Variants in CDK12 observed in about 807,000 individuals in gnomAD.
CDK12 encodes cyclin dependent kinase 12.
A neutral mutation model predicts 133.8 loss-of-function variants in CDK12; 17 were observed. That is an observed-to-expected ratio of 0.13 (90% CI 0.09 to 0.19). CDK12 has a LOEUF of 0.19. Ranked by LOEUF, CDK12 falls within the 10% of genes least tolerant of loss-of-function variation. The pLI, the probability that CDK12 is intolerant of heterozygous loss-of-function variation, is 1.00. For missense variants in CDK12, 1,508 were observed against 1,818.7 expected (o/e 0.83, Z 3.11); for synonymous variants, 694 against 683.6 (o/e 1.02, Z -0.24).
chr17:39,478,298 T>C (rs935504905), intron 2 of CDK12, among the ~76,000 whole-genome samples: 3 of 151,680 alleles, frequency 2.0e-5, no homozygotes, highest in African/African-American at 7.3e-5. Context: ...TTCACATGAC[T>C]CTCCTGCCTC....
intron 6 of CDK12, among the ~76,000 whole-genome samples, chr17:39,508,016 A>G (rs1598105087): frequency 6.6e-6 from 1 of 152,132 alleles, no homozygotes; most frequent in African/African-American, 2.4e-5. Flanking sequence ...TCTTTTCTGT[A>G]CTACATGTTG....
chr17:39,488,985 A>G (rs1217130010), intron 2 of CDK12, among the ~76,000 whole-genome samples: 1 of 151,644 alleles, frequency 6.6e-6, no homozygotes, highest in Non-Finnish European at 1.5e-5. Context: ...CAGTCGTGCG[A>G]TCTCAGCTCA....
chr17:39,501,463 T>A (rs1448332483), intron 6 of CDK12, 24 bp downstream of exon 6: 2 of 1,541,588 alleles, frequency 1.3e-6, no homozygotes, highest in Non-Finnish European at 1.8e-6. Context: ...CAAATAAGAT[T>A]AAGCACTTTC....
intron 5 of CDK12, among the ~76,000 whole-genome samples, chr17:39,497,948 A>G (rs1340141827): frequency 1.3e-5 from 2 of 151,784 alleles, no homozygotes; most frequent in Admixed American, 1.3e-4. Context: ...GGTCTTCTCT[A>G]TGTTACCAGT....
At chr17:39,548,771 G>A (rs2055831143), upstream of CDK12, among the ~76,000 whole-genome samples, 1 of 152,144 alleles carries the variant, frequency 6.6e-6, no homozygotes, top group Admixed American at 6.5e-5. Flanking sequence ...TTCTGCTAGG[G>A]GTGCCAAATG....
At chr17:39,487,891 G>A (rs961361519) in intron 2 of CDK12, among the ~76,000 whole-genome samples, 5 of 151,818 alleles carry the variant, frequency 3.3e-5, no homozygotes, top group East Asian at 1.9e-4. Flanking sequence ...TTGGTATTAC[G>A]GGCATGAGCC....
chr17:39,548,379 C>T (rs1417410899), upstream of CDK12, among the ~76,000 whole-genome samples: 1 of 152,228 alleles, frequency 6.6e-6, no homozygotes, highest in East Asian at 1.9e-4. Flanking sequence ...ACAGGTGCAT[C>T]TCTCCCTTAA....
At chr17:39,475,895 A>T (rs1228637792) in intron 2 of CDK12, among the ~76,000 whole-genome samples, 1 of 152,012 alleles carries the variant, frequency 6.6e-6, no homozygotes, top group Non-Finnish European at 1.5e-5. Context: ...CAAAATATAG[A>T]TAGATAAAAG....
chr17:39,540,047 A>G (rs2055337431), intron 1 of CDK12, among the ~76,000 whole-genome samples: 1 of 152,242 alleles, frequency 6.6e-6, no homozygotes, highest in South Asian at 2.1e-4. Context: ...CTTTTGTAGC[A>G]GTACTTGGTC....
chr17:39,565,209 G>A (rs1374150930), downstream of CDK12, among the ~76,000 whole-genome samples: 2 of 152,210 alleles, frequency 1.3e-5, no homozygotes, highest in African/African-American at 4.8e-5. Context: ...TGCCTACTGG[G>A]TTCACGCCAT....
chr17:39,502,594 C>T (rs962693057), intron 6 of CDK12, among the ~76,000 whole-genome samples: 11 of 152,078 alleles, frequency 7.2e-5, no homozygotes, highest in African/African-American at 2.2e-4. Context: ...GGCTCACATG[C>T]GACGATTGAA....
chr17:39,478,719 G>A (rs1219384843), intron 2 of CDK12, among the ~76,000 whole-genome samples: 1 of 152,144 alleles, frequency 6.6e-6, no homozygotes, highest in Middle Eastern at 3.4e-3. Flanking sequence ...GAGCTACTTG[G>A]GAGACTGAGG....
chr17:39,531,183 C>G lies in CDK12; in HGVS notation c.4340C>G (p.Thr1447Ser), dbSNP rs767287779. 8.5e-6 allele frequency: 13 copies of G among 1,522,458 alleles called. 1 individual carries two copies. The highest frequency in any genetic ancestry group is 4.4e-5 in the Admixed American group (2 of 45,092). The allele number at this position is 1,522,458 out of a possible 1,614,324, so 94.3% of individuals were successfully genotyped here. Residue 1447 changes from threonine (T) to serine (S), a missense_variant, in exon 14 of 14, where the codon ACC (threonine) becomes AGC (serine). By Grantham distance (58) the Thr-to-Ser change is moderately conservative. Transcript: ENST00000447079. ...AACTATGGGGAGCTGGGGCCAGGAA[C>G]CACTGGGGCCAGCAGCTCAGGAGCA... ...LQNYGELGPG[T>S]TGASSSGAGL...
intron 9 of CDK12, 25 bp from the exon 10 acceptor site, chr17:39,517,413 TTG>T: frequency 1.5e-6 from 2 of 1,314,894 alleles, no homozygotes; most frequent in Non-Finnish European, 2.2e-6. Flanking sequence ...ACTCACTCCA[TTG>T]TTCTTGCTTT....
intron 11 of CDK12, among the ~76,000 whole-genome samples, chr17:39,521,795 C>G (rs1253221617): frequency 1.3e-5 from 2 of 152,018 alleles, no homozygotes; most frequent in Non-Finnish European, 2.9e-5. Flanking sequence ...CTCCTGACTT[C>G]AGGTGATCTG....
rs1198114572 is a variant in CDK12, at chr17:39,533,494, GAA to G, written c.*2184_*2185del. 2 of 232,826 alleles carry G rather than the reference GAA, an allele frequency of 8.6e-6. No homozygotes were observed. Among genetic ancestry groups the G allele is most frequent in the Non-Finnish European group, 1.7e-5 (2 of 117,876 alleles). The allele number at this position is 232,826 out of a possible 1,614,324, so 14.4% of individuals were successfully genotyped here. ...ATACTTTCAGAAGTATCTGTTCAAT[GAA>G]AAAAAGTTGGTTTCCCATCAAATAT... On this transcript the variant is annotated 3_prime_UTR_variant, in exon 14 of 14. Coordinates refer to ENST00000447079, the MANE Select transcript of CDK12 (RefSeq NM_016507.4).
At position 39,462,725 on chromosome 17, in the gene CDK12, G is replaced by C. The variant is rs1182332817; in HGVS notation, c.654G>C (p.Arg218=). 5.0e-6 allele frequency: 8 copies of C among 1,614,182 alleles called. No homozygotes were observed. The highest frequency in any genetic ancestry group is 6.8e-6 in the Non-Finnish European group (8 of 1,180,038). Reference sequence around the variant, plus strand: ...ACAAAACAGTGGACAGCCCAAAACGGAGATCCAGGAGCCCCCACAGGAAGT... The same window carrying C: ...ACAAAACAGTGGACAGCCCAAAACGCAGATCCAGGAGCCCCCACAGGAAGT... ...KSYKTVDSPK[R]RSRSPHRKWS... Residue 218 remains arginine (R), a synonymous_variant, in exon 1 of 14, where the codon CGG becomes CGC. Transcript: ENST00000447079.
rs2146510422 is a variant in CDK12 at position 39,517,494 on chromosome 17, C to T, written c.2901C>T (p.Pro967=). Reference sequence around the variant, plus strand: ...TGTGGCCTGATGTTATCAAACTGCCCTACTTCAACACCATGAAACCGAAGA... The same window carrying T: ...TGTGGCCTGATGTTATCAAACTGCCTTACTTCAACACCATGAAACCGAAGA... ...PAVWPDVIKL[P]YFNTMKPKKQ... is the part of the protein sequence containing the mutation. Residue 967 remains proline, a synonymous_variant, in exon 10 of 14, where the codon CCC becomes CCT. Coordinates refer to ENST00000447079, the MANE Select transcript of CDK12 (RefSeq NM_016507.4). 1 of 1,613,734 alleles carries T rather than the reference C, an allele frequency of 6.2e-7. No individual in the cohort carries two copies. Among genetic ancestry groups the T allele is most frequent in the East Asian group, 2.2e-5 (1 of 44,892 alleles).
chr17:39,490,387 A>C (rs559735778), intron 2 of CDK12, among the ~76,000 whole-genome samples, 170 bp from the exon 3 acceptor site: 1 of 152,038 alleles, frequency 6.6e-6, no homozygotes, highest in South Asian at 2.1e-4. Flanking sequence ...GAAAAAAATT[A>C]AGTATCTTTA....
Sources: allele counts gnomAD v4.1 joint callset (sites outside exome capture counted in the v4.1 genomes callset), GRCh38; gene constraint gnomAD v4.1.1; transcripts MANE v1.5; gene names NCBI Gene and HGNC (gene_info 2026-07-23, HGNC 2026-07-21).